Variants in MBD5 observed in about 807,000 individuals in gnomAD.
MBD5 encodes the protein methyl-CpG binding domain protein 5.
MBD5 carries 13 observed loss-of-function variants against 117.3 expected under a neutral mutation model. That is an observed-to-expected ratio of 0.11 (90% CI 0.07 to 0.18). The LOEUF (loss-of-function observed/expected upper bound fraction) is 0.18. Ranked by LOEUF, MBD5 falls within the 10% of genes least tolerant of loss-of-function variation. The pLI is 1.00. For synonymous variants in MBD5, 727 were observed against 766.4 expected (o/e 0.95, Z 0.85); for missense variants, 1,879 against 2,093.8 (o/e 0.90, Z 2.00).
rs1311216238 is a variant in MBD5, at chr2:148,469,156, A to G, written c.1213A>G (p.Ser405Gly). ...SMPPAVVPLP[S>G]NLPLPTVKPG... ...GCCTCCTGCTGTTGTTCCTTTGCCA[A>G]GTAATCTCCCATTGCCAACTGTAAA... is the stretch of plus-strand genomic sequence containing the variant. The change falls in exon 8 of 14, where the codon AGT (serine) becomes GGT (glycine). Residue 405 changes from serine (S) to glycine (G), a missense_variant. Physicochemically the swap from Ser to Gly is moderately conservative, Grantham distance 56. Transcript: ENST00000642680. 2 of 1,614,034 alleles carry G rather than the reference A, an allele frequency of 1.2e-6. No individual in the cohort carries two copies. Among genetic ancestry groups the G allele is most frequent in the Non-Finnish European group, 8.5e-7 (1 of 1,179,964 alleles).
At chr2:148,479,554 G>A (rs1681078823) in intron 8 of MBD5, among the ~76,000 whole-genome samples, 1 of 152,170 alleles carries the variant, frequency 6.6e-6, no homozygotes, top group South Asian at 2.1e-4. Context: ...GGTTTAGAAA[G>A]ATGATTTCAA....
chr2:148,480,784 TG>T (rs1681124399), intron 8 of MBD5, among the ~76,000 whole-genome samples: 1 of 152,088 alleles, frequency 6.6e-6, no homozygotes, highest in Admixed American at 6.6e-5. Context: ...ACCCTACTCT[TG>T]GTGAATGTGG....
chr2:148,299,551 C>T (rs559348751), intron 3 of MBD5, among the ~76,000 whole-genome samples: 16 of 152,260 alleles, frequency 1.1e-4, no homozygotes, highest in Admixed American at 5.2e-4. Flanking sequence ...TCTGTTTCAC[C>T]GGAGAAAAAT....
intron 8 of MBD5, 184 bp downstream of exon 8, chr2:148,470,645 A>T (rs1680766563): frequency 3.5e-6 from 2 of 563,558 alleles, no homozygotes; most frequent in South Asian, 5.7e-5. Context: ...GGGAAGATTA[A>T]CAGCTAAGAG....
Position 148,443,655 on chromosome 2 carries a change from A to G in MBD5, c.-556-14548A>G, listed in dbSNP as rs1706400275. ...CCAGGTGCACAAAGACAAACTTCAC[A>G]TGTTCTCACTTATTTGTGGGAGCTA... On this transcript the variant is annotated intron_variant, in intron 4 of 13. Transcript: ENST00000642680. Among the ~76,000 whole-genome samples the G allele has an allele frequency of 4.0e-5, 6 of 151,376 alleles. No homozygotes were observed. The South Asian group carries it at 1.2e-3, about 31-fold the overall frequency.
chr2:148,232,486 G>T (rs538640200), intron 2 of MBD5, among the ~76,000 whole-genome samples: 147 of 151,904 alleles, frequency 9.7e-4, no homozygotes, highest in African/African-American at 1.7e-3. Context: ...TACTTTTTTT[G>T]TTTTTTTCAA....
chr2:148,486,936 A>G (rs939108874), intron 10 of MBD5, among the ~76,000 whole-genome samples: 9 of 152,242 alleles, frequency 5.9e-5, no homozygotes, highest in Non-Finnish European at 1.3e-4. Flanking sequence ...GCTTCTGTGT[A>G]TTAATATCTC....
At chr2:148,365,760 C>T (rs560087444) in intron 4 of MBD5, among the ~76,000 whole-genome samples, 111 of 152,064 alleles carry the variant, frequency 7.3e-4, no homozygotes, top group African/African-American at 2.6e-3. Context: ...CACATGCACC[C>T]TCCCATGACT....
At position 148,262,572 on chromosome 2, in the gene MBD5, GAAAT is replaced by G. The variant is rs371030816; in HGVS notation, c.-680+29187_-680+29190del. Reference sequence around the variant, plus strand: ...TTTTATAAAAAAACTGAGCCCTGTGGAAATAAATAAATAGAAAGAAGGGAAAAAA... The same window carrying G: ...TTTTATAAAAAAACTGAGCCCTGTGGAAATAAATAGAAAGAAGGGAAAAAA... On this transcript the variant is annotated intron_variant, in intron 3 of 13. Coordinates refer to ENST00000642680, the MANE Select transcript of MBD5 (RefSeq NM_001378120.1). Among the ~76,000 whole-genome samples, 24 of 152,138 alleles carry G rather than the reference GAAAT, an allele frequency of 1.6e-4. No homozygotes were observed. The East Asian group carries it at 4.1e-3, about 26-fold the overall frequency.
intron 3 of MBD5, among the ~76,000 whole-genome samples, chr2:148,309,449 T>G (rs1253883827): frequency 6.6e-6 from 1 of 152,188 alleles, no homozygotes; most frequent in African/African-American, 2.4e-5. Context: ...GATTAGGCTG[T>G]CTGTCTGTTA....
intron 10 of MBD5, 68 bp downstream of exon 10, chr2:148,486,018 G>A: frequency 6.7e-7 from 1 of 1,501,126 alleles, no homozygotes; most frequent in Non-Finnish European, 9.3e-7. Context: ...CTTAATTTGG[G>A]GGAAAGGGTG....
At chr2:148,495,113 G>A (rs913805045) in intron 11 of MBD5, among the ~76,000 whole-genome samples, 1 of 152,146 alleles carries the variant, frequency 6.6e-6, no homozygotes, top group African/African-American at 2.4e-5. Context: ...TCAGTGCTGT[G>A]CTCCAGTGCA....
chr2:148,258,614 C>T (rs942909609), intron 3 of MBD5, among the ~76,000 whole-genome samples: 1 of 152,176 alleles, frequency 6.6e-6, no homozygotes, highest in African/African-American at 2.4e-5. Context: ...TGAGGTAAAG[C>T]ACCCGGGTGG....
At chr2:148,220,848 G>T (rs760971855) in intron 2 of MBD5, among the ~76,000 whole-genome samples, 1 of 151,940 alleles carries the variant, frequency 6.6e-6, no homozygotes, top group Non-Finnish European at 1.5e-5. Context: ...TAGTCACCCT[G>T]TTGTGCTATC....
intron 3 of MBD5, among the ~76,000 whole-genome samples, chr2:148,294,509 T>TTTTTTGTTTTGTTTTTTTTTTGTTTG (rs750245317): frequency 4.6e-5 from 6 of 129,984 alleles, no homozygotes; most frequent in Non-Finnish European, 8.2e-5. Flanking sequence ...CAGTTTTTTT[T>TTTTTTGTTTTGTTTTTTTTTTGTTTG]TTTTTTTTTT....
intron 2 of MBD5, among the ~76,000 whole-genome samples, chr2:148,185,588 A>G (rs1205494085): frequency 6.6e-6 from 1 of 152,184 alleles, no homozygotes; most frequent in Non-Finnish European, 1.5e-5. Flanking sequence ...TGAGTAATAC[A>G]CTACTGATTT....
chr2:148,047,581 A>G (rs1383847416), intron 1 of MBD5, among the ~76,000 whole-genome samples: 1 of 152,222 alleles, frequency 6.6e-6, no homozygotes, highest in Non-Finnish European at 1.5e-5. Context: ...TTTGTGCCAC[A>G]CAGGCACTAG....
chr2:148,089,594 T>G (rs2105220227), intron 1 of MBD5, among the ~76,000 whole-genome samples: 1 of 152,236 alleles, frequency 6.6e-6, no homozygotes, highest in South Asian at 2.1e-4. Flanking sequence ...CTGAATGATC[T>G]TTGGGTCAAC....
intron 1 of MBD5, among the ~76,000 whole-genome samples, chr2:148,124,403 C>T (rs1046041332): frequency 2.6e-5 from 4 of 152,108 alleles, no homozygotes; most frequent in African/African-American, 7.2e-5. Context: ...ACAGGGAGAC[C>T]TTGTCTCTAC....
Sources: allele counts gnomAD v4.1 joint callset (sites outside exome capture counted in the v4.1 genomes callset), GRCh38; gene constraint gnomAD v4.1.1; transcripts MANE v1.5; gene names NCBI Gene and HGNC (gene_info 2026-07-23, HGNC 2026-07-21).